Variants in XPO7 observed in about 807,000 individuals in gnomAD.
The protein encoded by XPO7 is exportin-7.
In XPO7, 21 loss-of-function variants were observed where a neutral mutation model predicts 144.3. The observed-to-expected ratio is 0.15, with a 90% CI of 0.10 to 0.21. XPO7 has a LOEUF of 0.21. Ranked by LOEUF, XPO7 falls within the 10% of genes least tolerant of loss-of-function variation. XPO7 has a pLI of 1.00. For missense variants in XPO7, 808 were observed against 1,325.8 expected, an observed-to-expected ratio of 0.61 and a Z score of 6.06; for synonymous variants, 580 against 499.6, an observed-to-expected ratio of 1.16 and a Z score of -2.15.
At chr8:21,990,503 T>G in intron 17 of XPO7, 96 bp downstream of exon 17, 1 of 1,377,496 alleles carries the variant, frequency 7.3e-7, no homozygotes, top group Non-Finnish European at 1.0e-6. Flanking sequence ...GTCCCGGGTA[T>G]TGCTACAGCA....
chr8:22,002,052 C>A (rs1813166973), intron 24 of XPO7, 60 bp from the exon 25 acceptor site: 2 of 1,535,990 alleles, frequency 1.3e-6, no homozygotes, highest in African/African-American at 2.7e-5. Context: ...CAAAGATAGT[C>A]CATATTTGTC....
At position 21,935,420 on chromosome 8, in the gene XPO7, CT is replaced by C. The variant is rs1810790221; in HGVS notation, c.18+15633del. 2.6e-5 allele frequency among the ~76,000 whole-genome samples: 4 copies of C among 152,272 alleles called. No individual in the cohort carries two copies. In the South Asian group the frequency reaches 8.3e-4, roughly 32 times the overall value. On this transcript the variant is annotated intron_variant, in intron 1 of 27. Transcript: ENST00000252512. ...TTGGAAATTAATTTGGACATTTTGCCTAAAGTCCTACAAATAGTGAGAGTCA... is the reference window on the plus strand; with the variant it reads ...TTGGAAATTAATTTGGACATTTTGCCAAAGTCCTACAAATAGTGAGAGTCA...
chr8:21,971,699 G>A (rs1812067642), intron 4 of XPO7, among the ~76,000 whole-genome samples, 177 bp from the exon 5 acceptor site: 1 of 152,104 alleles, frequency 6.6e-6, no homozygotes, highest in Non-Finnish European at 1.5e-5. Flanking sequence ...CCTTTGTGGT[G>A]ACAGTTAGGT....
rs927977418 is a variant in XPO7 at position 21,992,038 on chromosome 8, T to C, written c.2148+64T>C. On this transcript the variant is annotated intron_variant, in intron 19 of 27. Transcript: ENST00000252512. ...GTTTAGGGCAGTCTCTGATTGAAAA[T>C]CGTGCTTGACTGTAAACTATCCACT... 8 of 1,376,642 alleles carry C rather than the reference T, an allele frequency of 5.8e-6. No individual in the cohort carries two copies. In the African/African-American group the frequency reaches 1.0e-4, roughly 17 times the overall value. The allele number at this position is 1,376,642 out of a possible 1,614,324, so 85.3% of individuals were successfully genotyped here.
chr8:21,971,445 T>A (rs911130864), intron 4 of XPO7, among the ~76,000 whole-genome samples: 8 of 152,240 alleles, frequency 5.3e-5, no homozygotes, highest in African/African-American at 1.9e-4. Context: ...TAAATTTTGA[T>A]ATGTTTATTT....
chr8:21,996,499 A>G (rs1812952137), intron 21 of XPO7, among the ~76,000 whole-genome samples: 2 of 152,212 alleles, frequency 1.3e-5, no homozygotes, highest in Admixed American at 1.3e-4. Context: ...TCCTGCCCAC[A>G]GATAAGAAAT....
intron 16 of XPO7, among the ~76,000 whole-genome samples, chr8:21,990,092 G>C (rs1232673383): frequency 6.6e-6 from 1 of 151,730 alleles, no homozygotes; most frequent in African/African-American, 2.4e-5. Context: ...CTCGTGATCT[G>C]CCCTCCTCGG....
chr8:21,930,814 T>C (rs554670220), intron 1 of XPO7, among the ~76,000 whole-genome samples: 186 of 152,316 alleles, frequency 1.2e-3, no homozygotes, highest in African/African-American at 4.2e-3. Context: ...TTTTTCATAG[T>C]GAAATTCCAT....
chr8:21,971,222 C>A (rs1011647832), intron 4 of XPO7, among the ~76,000 whole-genome samples: 2 of 152,144 alleles, frequency 1.3e-5, no homozygotes, highest in African/African-American at 4.8e-5. Flanking sequence ...TATGTAAGTA[C>A]ACTCTATGAT....
intron 7 of XPO7, 33 bp from the exon 8 acceptor site, chr8:21,977,737 T>C (rs1366407194): frequency 1.2e-6 from 2 of 1,607,786 alleles, no homozygotes; most frequent in African/African-American, 2.7e-5. Context: ...TCATACTTAA[T>C]AAAGTGATGT....
intron 19 of XPO7, among the ~76,000 whole-genome samples, chr8:21,993,885 T>A (rs1030675592): frequency 1.3e-5 from 2 of 152,022 alleles, no homozygotes; most frequent in Non-Finnish European, 2.9e-5. Context: ...TTTGCTTTTT[T>A]CTGGCTTTTT....
chr8:21,994,273 G>A, intron 19 of XPO7, 90 bp from the exon 20 acceptor site: 1 of 920,736 alleles, frequency 1.1e-6, no homozygotes, highest in Non-Finnish European at 1.7e-6. Flanking sequence ...GTGAGAGAAA[G>A]AATTTGATGA....
In XPO7 at chr8:21,967,585, G is replaced by A. The variant is rs1382852903; in HGVS notation, c.165+582G>A. Among the ~76,000 whole-genome samples the A allele has an allele frequency of 1.6e-4, 24 of 151,898 alleles. 1 individual carries two copies. The highest frequency in any genetic ancestry group is 2.2e-4 in the Non-Finnish European group (15 of 67,984). On this transcript the variant is annotated intron_variant, in intron 2 of 27. Transcript: ENST00000252512. ...TGACCTCAGGTGATCCACCCGCCTC[G>A]GCCTCCCAAAGTGATGGGATTACAG...
intron 19 of XPO7, among the ~76,000 whole-genome samples, chr8:21,992,387 C>A (rs574688626): frequency 6.6e-6 from 1 of 152,196 alleles, no homozygotes; most frequent in South Asian, 2.1e-4. Flanking sequence ...TCAGTGATGT[C>A]AAGTTTCTAC....
intron 14 of XPO7, 143 bp from the exon 15 acceptor site, chr8:21,987,641 C>T: frequency 1.1e-6 from 1 of 915,918 alleles, no homozygotes; most frequent in Non-Finnish European, 1.6e-6. Context: ...TACTTGGAAA[C>T]TAGCTTATCC....
rs1157441910 is a variant in XPO7 at position 22,006,496 on chromosome 8, G to C, written c.*1408G>C. ...GACTGTGTGATGAATCCTTTCTTGC[G>C]TGATCAGGTTGCGGATAGACTTGTA... On this transcript the variant is annotated 3_prime_UTR_variant, in exon 28 of 28. Coordinates refer to ENST00000252512, the MANE Select transcript of XPO7 (RefSeq NM_015024.5). 1 of 151,988 alleles carries C rather than the reference G, an allele frequency of 6.6e-6. No homozygotes were observed. The highest frequency in any genetic ancestry group is 1.5e-5 in the Non-Finnish European group (1 of 68,020). 9.4% of individuals were successfully genotyped at this position (151,988 alleles called of 1,614,324 possible). A position where few individuals can be genotyped will look rare whatever the true frequency, so the allele number is the denominator to read the frequency against.
chr8:21,967,059 G>T, intron 2 of XPO7, 56 bp downstream of exon 2: 18 of 1,573,188 alleles, frequency 1.1e-5, no homozygotes, highest in Non-Finnish European at 1.5e-5. Context: ...ACGTTATTCT[G>T]GTTCTCTGTG....
At chr8:21,933,621 T>C (rs781274939) in intron 1 of XPO7, among the ~76,000 whole-genome samples, 1 of 152,194 alleles carries the variant, frequency 6.6e-6, no homozygotes, top group Non-Finnish European at 1.5e-5. Flanking sequence ...TTTTATATTA[T>C]ATTTTATTTA....
intron 1 of XPO7, 55 bp from the exon 2 acceptor site, chr8:21,966,802 T>G: frequency 4.5e-6 from 7 of 1,551,560 alleles, no homozygotes; most frequent in Non-Finnish European, 6.1e-6. Context: ...TTAAGCACAG[T>G]TGCTTACATT....
Sources: allele counts gnomAD v4.1 joint callset (sites outside exome capture counted in the v4.1 genomes callset), GRCh38; gene constraint gnomAD v4.1.1; transcripts MANE v1.5; gene names NCBI Gene and HGNC (gene_info 2026-07-23, HGNC 2026-07-21).